KLKB1: variants seen among roughly 807,000 people sequenced by gnomAD.
KLKB1 encodes plasma kallikrein.
In KLKB1, 58 loss-of-function variants were observed where a neutral mutation model predicts 73.6. The observed-to-expected ratio is 0.79, with a 90% CI of 0.64 to 0.98. KLKB1 has a LOEUF of 0.98. Ranked by LOEUF, KLKB1 falls within the 50% of genes least tolerant of loss-of-function variation. KLKB1 has a pLI of 0.00. For synonymous variants in KLKB1, 280 were observed against 258.1 expected (o/e 1.08, Z -0.81); for missense variants, 737 against 763.8 (o/e 0.96, Z 0.41).
intron 4 of KLKB1, among the ~76,000 whole-genome samples, chr4:186,234,327 G>C (rs1737548467): frequency 6.6e-6 from 1 of 152,168 alleles, no homozygotes; most frequent in Non-Finnish European, 1.5e-5. Flanking sequence ...CCAAATAATT[G>C]TGTCTCGTTT....
rs1174535629 is a variant in KLKB1 at position 186,245,802 on chromosome 4, G to T, written c.599-4441G>T. ...TGAGGGCTGGAATCTAATTTTTGGA[G>T]TTTTTTTTTGTTTGTTTTTTGGTTT... is the stretch of plus-strand genomic sequence containing the variant. On this transcript the variant is annotated intron_variant, in intron 6 of 14. Coordinates refer to ENST00000264690, the MANE Select transcript of KLKB1 (RefSeq NM_000892.5). Among the ~76,000 whole-genome samples, 52 of 54,930 alleles carry T rather than the reference G, an allele frequency of 9.5e-4. 2 individuals are homozygous for T. The highest frequency in any genetic ancestry group is 1.7e-3 in the Non-Finnish European group (41 of 23,490). 36.0% of individuals were successfully genotyped at this position (54,930 alleles called of 152,430 possible).
chr4:186,235,338 C>T (rs1379349319), intron 4 of KLKB1, among the ~76,000 whole-genome samples: 1 of 69,298 alleles, frequency 1.4e-5, no homozygotes, highest in Non-Finnish European at 2.7e-5. Flanking sequence ...ACTTAGCTTG[C>T]TTTTAATGTT....
At chr4:186,251,125 C>T (rs982564168) in intron 7 of KLKB1, 94 bp from the exon 8 acceptor site, 31 of 762,308 alleles carry the variant, frequency 4.1e-5, no homozygotes, top group South Asian at 1.7e-4. Context: ...AAATTTGCTG[C>T]GTTGCTTTTT....
intron 6 of KLKB1, among the ~76,000 whole-genome samples, chr4:186,246,375 T>C (rs4253369): frequency 1.8e-4 from 27 of 152,126 alleles, no homozygotes; most frequent in African/African-American, 6.3e-4. Context: ...ACAAGTTGCA[T>C]TGGGAACAGA....
At chr4:186,222,634 T>C (rs1209469192), upstream of KLKB1, among the ~76,000 whole-genome samples, 1 of 152,240 alleles carries the variant, frequency 6.6e-6, no homozygotes, top group Non-Finnish European at 1.5e-5. Flanking sequence ...GTTATAGTTA[T>C]TTGTTAATAC....
chr4:186,257,362 T>C lies in KLKB1; in HGVS notation c.1722T>C (p.Cys574=), dbSNP rs757660226. The C allele has an allele frequency of 6.3e-7, 1 of 1,582,448 alleles. No individual in the cohort carries two copies. The highest frequency in any genetic ancestry group is 1.2e-5 in the South Asian group (1 of 84,628). The change falls in exon 14 of 15, where the codon TGT becomes TGC. Residue 574 remains cysteine (C), a synonymous_variant. Coordinates refer to ENST00000264690, the MANE Select transcript of KLKB1 (RefSeq NM_000892.5). ...AGYKEGGKDA[C]KGDSGGPLVC... is the part of the protein sequence containing the mutation. ...ATAAAGAAGGGGGAAAAGATGCTTG[T>C]AAGGTAACTCATGAGATTATGAAAA...
chr4:186,241,106 G>A (rs1738021975), intron 6 of KLKB1, among the ~76,000 whole-genome samples: 1 of 152,084 alleles, frequency 6.6e-6, no homozygotes, highest in Admixed American at 6.6e-5. Flanking sequence ...AGCTGCTAAG[G>A]GCGTGGCTTT....
chr4:186,218,111 C>A lies in KLKB1; in HGVS notation c.201+8839C>A, dbSNP rs562004777. Among the ~76,000 whole-genome samples the A allele has an allele frequency of 9.2e-5, 14 of 152,320 alleles. No homozygotes were observed. The South Asian group carries it at 2.9e-3, about 32-fold the overall frequency. ...TTCAATAAAACTTTATTTACAAAAA[C>A]AGGTGCAAAGCCAAATGTGGTCTGT... On this transcript the variant is annotated intron_variant, in intron 2 of 14. Coordinates refer to the KLKB1 transcript ENST00000511608.
chr4:186,244,869 C>T (rs372107486), intron 6 of KLKB1, among the ~76,000 whole-genome samples: 17 of 152,030 alleles, frequency 1.1e-4, no homozygotes, highest in South Asian at 4.2e-4. Flanking sequence ...TGGCATTGAG[C>T]GGGGTAAGTG....
chr4:186,226,102 G>T (rs1194879642), upstream of KLKB1, among the ~76,000 whole-genome samples: 1 of 151,452 alleles, frequency 6.6e-6, no homozygotes, highest in African/African-American at 2.4e-5. Context: ...CAGAATTTCT[G>T]TTTCATTCTT....
At chr4:186,237,133 C>G (rs896144840) in intron 5 of KLKB1, among the ~76,000 whole-genome samples, 193 bp downstream of exon 5, 6 of 152,136 alleles carry the variant, frequency 3.9e-5, no homozygotes, top group African/African-American at 9.7e-5. Context: ...GAGTCGCGCT[C>G]TGTCGCCCAG....
chr4:186,216,427 G>A (rs1158772686), intron 2 of KLKB1, among the ~76,000 whole-genome samples: 3 of 152,166 alleles, frequency 2.0e-5, no homozygotes. Context: ...GCGTTACGCA[G>A]AAAGACAAAG....
upstream of KLKB1, among the ~76,000 whole-genome samples, chr4:186,225,505 C>G (rs1244404025): frequency 6.9e-6 from 1 of 145,778 alleles, no homozygotes; most frequent in Non-Finnish European, 1.5e-5. Context: ...AATCTCGGCT[C>G]ACTGCAAGCT....
intron 6 of KLKB1, among the ~76,000 whole-genome samples, chr4:186,247,825 A>G (rs1303027904): frequency 6.6e-6 from 1 of 152,202 alleles, no homozygotes; most frequent in Non-Finnish European, 1.5e-5. Context: ...AAAATTTTTG[A>G]TATCTAATTT....
intron 11 of KLKB1, 39 bp from the exon 12 acceptor site, chr4:186,254,549 C>T: frequency 6.5e-7 from 1 of 1,534,822 alleles, no homozygotes; most frequent in South Asian, 1.1e-5. Flanking sequence ...GAAGGAAGGA[C>T]TGCCCAGTTT....
At chr4:186,217,300 GTTGTTGTTC>G (rs1387690148) in intron 2 of KLKB1, among the ~76,000 whole-genome samples, 4 of 152,052 alleles carry the variant, frequency 2.6e-5, no homozygotes, top group Non-Finnish European at 4.4e-5. Context: ...TGTTGTTGTT[GTTGTTGTTC>G]TTGTTTTCTG....
Position 186,251,744 on chromosome 4 carries a change from T to C in KLKB1, c.1032-5T>C, listed in dbSNP as rs764215240. 3 of 1,610,546 alleles carry C rather than the reference T, an allele frequency of 1.9e-6. No individual in the cohort carries two copies. The highest frequency in any genetic ancestry group is 2.2e-5 in the South Asian group (2 of 91,000). The stretch of plus-strand genomic sequence containing the variant: ...CTTACTCTTTCTACTGTTCATTTCA[T>C]CTAGGTGTAAGTGTTTCTTAAGATT... On this transcript the variant is annotated splice_region_variant and splice_polypyrimidine_tract_variant and intron_variant, in intron 9 of 14. Transcript: ENST00000264690.
intron 12 of KLKB1, among the ~76,000 whole-genome samples, chr4:186,255,616 T>TGGTC (rs1738956862): frequency 6.6e-6 from 1 of 152,184 alleles, no homozygotes; most frequent in Non-Finnish European, 1.5e-5. Context: ...AGGATGATAA[T>TGGTC]TTCTTCCTGG....
intron 4 of KLKB1, among the ~76,000 whole-genome samples, chr4:186,235,410 CA>C (rs1737613910): frequency 6.6e-6 from 1 of 152,068 alleles, no homozygotes; most frequent in African/African-American, 2.4e-5. Context: ...CAATTCTAGT[CA>C]AAAGCATTTA....
Sources: allele counts gnomAD v4.1 joint callset (sites outside exome capture counted in the v4.1 genomes callset), GRCh38; gene constraint gnomAD v4.1.1; transcripts MANE v1.5; gene names NCBI Gene and HGNC (gene_info 2026-07-23, HGNC 2026-07-21).